The following RSPH9 variants were observed in gnomAD, a reference collection of about 807,000 sequenced individuals.
RSPH9 encodes radial spoke head protein 9 homolog.
Under a neutral mutation model 27.0 loss-of-function variants are expected in RSPH9, and 27 were observed. That is an observed-to-expected ratio of 1.00 (90% confidence interval 0.74 to 1.38). RSPH9 has a LOEUF of 1.38. RSPH9 is among the 40% of genes most tolerant of loss of function. The pLI, the probability that RSPH9 is intolerant of heterozygous loss-of-function variation, is 0.00. For synonymous variants in RSPH9, 145 were observed against 147.7 expected, an observed-to-expected ratio of 0.98 and a Z score of 0.13; for missense variants, 347 against 357.4, an observed-to-expected ratio of 0.97 and a Z score of 0.24.
intron 4 of RSPH9, among the ~76,000 whole-genome samples, chr6:43,659,492 C>T (rs1367308480): frequency 1.3e-5 from 2 of 151,332 alleles, no homozygotes; most frequent in African/African-American, 4.9e-5. Context: ...ACGCCATTCT[C>T]CTGCCTCAGC....
intron 4 of RSPH9, among the ~76,000 whole-genome samples, chr6:43,668,302 CTG>C (rs1339804474): frequency 3.9e-5 from 6 of 152,140 alleles, no homozygotes; most frequent in African/African-American, 2.4e-5. Flanking sequence ...CACGTTGAGT[CTG>C]TGTTTCCCGG....
intron 4 of RSPH9, among the ~76,000 whole-genome samples, chr6:43,659,312 T>A (rs557780929): frequency 6.7e-5 from 10 of 148,912 alleles, no homozygotes; most frequent in Admixed American, 1.3e-4. Flanking sequence ...AACCTCCACC[T>A]TCTGGGTTCA....
At chr6:43,669,594 A>G (rs1254225789) in intron 4 of RSPH9, among the ~76,000 whole-genome samples, 1 of 152,272 alleles carries the variant, frequency 6.6e-6, no homozygotes, top group African/African-American at 2.4e-5. Context: ...AGAAGCTCTC[A>G]GCGCATGGCT....
At chr6:43,660,556 C>T (rs969870191) in intron 4 of RSPH9, among the ~76,000 whole-genome samples, 14 of 151,924 alleles carry the variant, frequency 9.2e-5, no homozygotes, top group African/African-American at 2.4e-4. Flanking sequence ...CTCCACCTCC[C>T]GTGTTCAAGT....
At chr6:43,661,111 G>A (rs538662520) in intron 4 of RSPH9, among the ~76,000 whole-genome samples, 2 of 152,172 alleles carry the variant, frequency 1.3e-5, no homozygotes, top group Admixed American at 6.6e-5. Context: ...TGAGCAGTAG[G>A]TCTCAAAAGT....
At chr6:43,665,209 C>T (rs1316183876) in intron 4 of RSPH9, among the ~76,000 whole-genome samples, 3 of 152,174 alleles carry the variant, frequency 2.0e-5, no homozygotes, top group African/African-American at 4.8e-5. Context: ...GGGTGGGGCC[C>T]AGCAAAGTCT....
chr6:43,651,052 C>T (rs952762109), intron 2 of RSPH9, among the ~76,000 whole-genome samples: 1 of 151,802 alleles, frequency 6.6e-6, no homozygotes, highest in Non-Finnish European at 1.5e-5. Context: ...GCCTCAGCCT[C>T]CCAAGTAGCT....
At chr6:43,669,194 C>G (rs1396542690) in intron 4 of RSPH9, among the ~76,000 whole-genome samples, 1 of 152,216 alleles carries the variant, frequency 6.6e-6, no homozygotes. Context: ...CCAGCAGGCA[C>G]TGTGTGGGCT....
chr6:43,662,080 A>T (rs140557468), intron 4 of RSPH9, among the ~76,000 whole-genome samples: 1 of 151,996 alleles, frequency 6.6e-6, no homozygotes, highest in Non-Finnish European at 1.5e-5. Flanking sequence ...GGGTCTCCCT[A>T]TGTTGCCCAG....
chr6:43,671,462 T>C lies in RSPH9; in HGVS notation c.*513T>C, dbSNP rs1773691721. ...AGCGCACACCCAATGGGTAAGCCCATGAACCCAGTTTATGACACTGCGTTG... is the reference window on the plus strand; with the variant it reads ...AGCGCACACCCAATGGGTAAGCCCACGAACCCAGTTTATGACACTGCGTTG... On this transcript the variant is annotated 3_prime_UTR_variant, in exon 5 of 5. Transcript: ENST00000372163. 8.4e-6 allele frequency: 4 copies of C among 476,680 alleles called. No individual in the cohort carries two copies. Among genetic ancestry groups the C allele is most frequent in the Admixed American group, 3.6e-5 (1 of 27,558 alleles). 29.5% of individuals were successfully genotyped at this position (476,680 alleles called of 1,614,324 possible).
chr6:43,671,873 C>T lies in RSPH9; in HGVS notation c.*924C>T. 1 of 1,613,436 alleles carries T rather than the reference C, an allele frequency of 6.2e-7. No homozygotes were observed. The highest frequency in any genetic ancestry group is 8.5e-7 in the Non-Finnish European group (1 of 1,179,652). On this transcript the variant is annotated 3_prime_UTR_variant, in exon 5 of 5. Coordinates refer to ENST00000372163, the MANE Select transcript of RSPH9 (RefSeq NM_152732.5). ...AGCGGGGGCCTTTTTTGTAGATGGG[C>T]TTGACGGAGCCAGGAGCCCAGCGCG...
chr6:43,645,406 A>AG, intron 1 of RSPH9, 81 bp downstream of exon 1: 3 of 756,606 alleles, frequency 4.0e-6, no homozygotes, highest in Admixed American at 2.7e-5. Context: ...AGCAATTGAA[A>AG]GGGGCGGGGC....
At chr6:43,652,552 A>G (rs1771589140) in intron 2 of RSPH9, among the ~76,000 whole-genome samples, 1 of 151,438 alleles carries the variant, frequency 6.6e-6, no homozygotes, top group African/African-American at 2.4e-5. Context: ...CAGTCTCCCA[A>G]GTAGCTGGGA....
At position 43,655,637 on chromosome 6, in the gene RSPH9, G is replaced by A. The variant is rs754895535; in HGVS notation, c.469G>A (p.Gly157Ser). 1 of 1,614,230 alleles carries A rather than the reference G, an allele frequency of 6.2e-7. No individual in the cohort carries two copies. Among genetic ancestry groups the A allele is most frequent in the Non-Finnish European group, 8.5e-7 (1 of 1,180,048 alleles). Reference protein sequence around the residue: ...IDKAVAIIPRGALFKTPFGPT... With the variant: ...IDKAVAIIPRSALFKTPFGPT... ...CAAGGCTGTGGCCATCATCCCCCGA[G>A]GCGCCCTCTTCAAGACCCCTTTTGG... Residue 157 changes from glycine (G) to serine (S), a missense_variant, in exon 3 of 5, where the codon GGC (glycine) becomes AGC (serine). By Grantham distance (56) the Gly-to-Ser change is moderately conservative. Coordinates refer to ENST00000372163, the MANE Select transcript of RSPH9 (RefSeq NM_152732.5).
At position 43,671,078 on chromosome 6, in the gene RSPH9, G is replaced by C; in HGVS notation, c.*129G>C. On this transcript the variant is annotated 3_prime_UTR_variant, in exon 5 of 5. Coordinates refer to ENST00000372163, the MANE Select transcript of RSPH9 (RefSeq NM_152732.5). ...TCCGTCTGGTTCCAGATTCTGAAAGGCCCACTGAGCCAGGGAGCTCATTTC... is the reference window on the plus strand; with the variant it reads ...TCCGTCTGGTTCCAGATTCTGAAAGCCCCACTGAGCCAGGGAGCTCATTTC... The C allele has an allele frequency of 8.6e-7, 1 of 1,159,872 alleles. No individual in the cohort carries two copies. The allele number at this position is 1,159,872 out of a possible 1,614,324, so 71.8% of individuals were successfully genotyped here. A position where few individuals can be genotyped will look rare whatever the true frequency, so the allele number is the denominator to read the frequency against.
At position 43,671,332 on chromosome 6, in the gene RSPH9, C is replaced by T. The variant is rs1773684367; in HGVS notation, c.*383C>T. On this transcript the variant is annotated 3_prime_UTR_variant, in exon 5 of 5. Coordinates refer to ENST00000372163, the MANE Select transcript of RSPH9 (RefSeq NM_152732.5). ...TGAAGAGGATGGGACCTGTTTGGCC[C>T]ATGAATTCAATTGACTCATTGGCCC... 7.3e-6 allele frequency: 3 copies of T among 410,830 alleles called. No homozygotes were observed. Among genetic ancestry groups the T allele is most frequent in the Non-Finnish European group, 9.0e-6 (2 of 223,298 alleles). 25.4% of individuals were successfully genotyped at this position (410,830 alleles called of 1,614,324 possible).
intron 4 of RSPH9, among the ~76,000 whole-genome samples, chr6:43,667,401 A>C (rs896844424): frequency 6.7e-6 from 1 of 148,632 alleles, no homozygotes; most frequent in Non-Finnish European, 1.5e-5. Context: ...TGCTCAGTTC[A>C]GGCAGCAGAG....
At chr6:43,656,016 CCTTCCTTCCTTCCTTCCTTCCCCTTCTTT>C (rs1179712464) in intron 3 of RSPH9, among the ~76,000 whole-genome samples, 1 of 132,754 alleles carries the variant, frequency 7.5e-6, no homozygotes, top group Middle Eastern at 3.6e-3. Context: ...TTCCTTCCTT[CCTTCCTTCCTTCCTTCCTTCCCCTTCTTT>C]CCCTTCTTTC....
chr6:43,647,576 G>A (rs1051705430), intron 1 of RSPH9, among the ~76,000 whole-genome samples: 5 of 152,166 alleles, frequency 3.3e-5, no homozygotes, highest in African/African-American at 1.2e-4. Context: ...CCTAGCTTAG[G>A]CAGCTGAGTA....
Sources: gnomAD v4.1 joint callset for allele counts (sites outside exome capture counted in the v4.1 genomes callset) on GRCh38, gnomAD v4.1.1 for gene constraint, MANE v1.5 for transcripts, NCBI Gene and HGNC (gene_info 2026-07-23, HGNC 2026-07-21) for gene names.